The following TBCCD1 variants were observed in gnomAD, a reference collection of about 807,000 sequenced individuals.
TBCCD1 encodes the protein TBCC domain-containing protein 1.
A neutral mutation model predicts 53.4 loss-of-function variants in TBCCD1; 26 were observed. The ratio of observed to expected loss-of-function variants is 0.49; its 90% CI spans 0.36 to 0.68. The LOEUF is 0.68. Among genes scored for constraint, TBCCD1 ranks in the 30% least tolerant of loss-of-function variants. The pLI, the probability that TBCCD1 is intolerant of heterozygous loss-of-function variation, is 0.00. For synonymous variants in TBCCD1, 245 were observed against 241.7 expected (o/e 1.01, Z -0.13); for missense variants, 558 against 669.5 (o/e 0.83, Z 1.84).
At chr3:186,569,737 C>T (rs887041894), upstream of TBCCD1, among the ~76,000 whole-genome samples, 1 of 151,648 alleles carries the variant, frequency 6.6e-6, no homozygotes, top group Non-Finnish European at 1.5e-5. Flanking sequence ...GAGGCCCTGG[C>T]CAGGTGAGAG....
At chr3:186,569,124 G>A (rs1714928122), upstream of TBCCD1, among the ~76,000 whole-genome samples, 5 of 151,880 alleles carry the variant, frequency 3.3e-5, no homozygotes, top group Admixed American at 2.6e-4. Flanking sequence ...CGGCAGGAAT[G>A]AGCTCGGTGT....
intron 7 of TBCCD1, 103 bp downstream of exon 7, chr3:186,551,026 T>C (rs1279610922): frequency 3.2e-6 from 4 of 1,234,138 alleles, no homozygotes; most frequent in East Asian, 2.4e-5. Flanking sequence ...GTAGGAGCGG[T>C]AGAAAAAATT....
chr3:186,561,582 G>T lies in TBCCD1; in HGVS notation c.336+2412C>A, dbSNP rs908942822. On this transcript the variant is annotated intron_variant, in intron 2 of 7. Coordinates refer to ENST00000338733, the MANE Select transcript of TBCCD1 (RefSeq NM_018138.5). ...AGGCAGGCGGATCATGAGGTCAGGAGATTGAGACCATCCTGGCTAACATGG... is the reference window on the plus strand; with the variant it reads ...AGGCAGGCGGATCATGAGGTCAGGATATTGAGACCATCCTGGCTAACATGG... 3.3e-5 allele frequency among the ~76,000 whole-genome samples: 5 copies of T among 152,214 alleles called. No individual in the cohort carries two copies. The East Asian group carries it at 9.6e-4, about 29-fold the overall frequency.
rs777762261 is a variant in TBCCD1, at chr3:186,554,724, A to G, written c.1074T>C (p.Asn358=). Reference sequence around the variant, plus strand: ...CTACAGGGCCCAAGACAAAGATGCTATTCCTGCACTTCTCAATTGTCACAG... The same window carrying G: ...CTACAGGGCCCAAGACAAAGATGCTGTTCCTGCACTTCTCAATTGTCACAG... ...LRSVTIEKCR[N]SIFVLGPVGT... The change falls in exon 6 of 8, where the codon AAT becomes AAC. Residue 358 remains asparagine, a synonymous_variant. Coordinates refer to ENST00000338733, the MANE Select transcript of TBCCD1 (RefSeq NM_018138.5). The G allele has an allele frequency of 1.2e-6, 2 of 1,613,856 alleles. No individual in the cohort carries two copies. The highest frequency in any genetic ancestry group is 4.5e-5 in the East Asian group (2 of 44,900).
intron 4 of TBCCD1, 83 bp from the exon 5 acceptor site, chr3:186,555,167 G>T: frequency 1.5e-6 from 2 of 1,313,950 alleles, no homozygotes; most frequent in Non-Finnish European, 2.0e-6. Flanking sequence ...ACGTCTACAT[G>T]TATATATGTC....
At chr3:186,549,837 A>G (rs1278523227) in intron 7 of TBCCD1, among the ~76,000 whole-genome samples, 1 of 152,182 alleles carries the variant, frequency 6.6e-6, no homozygotes, top group Admixed American at 6.5e-5. Flanking sequence ...AGTATTTTAC[A>G]TTTCTTTAAT....
At position 186,556,635 on chromosome 3, in the gene TBCCD1, C is replaced by G; in HGVS notation, c.633G>C (p.Ala211=). Residue 211 remains alanine (A), a synonymous_variant, in exon 4 of 8, where the codon GCG becomes GCC. Transcript: ENST00000338733. Reference sequence around the variant, plus strand: ...TTGTACCTTCAATAAGGAAGCTGAGCGCCACAACAGCTTCTCGAGACACTA... The same window carrying G: ...TTGTACCTTCAATAAGGAAGCTGAGGGCCACAACAGCTTCTCGAGACACTA... ...SSLVSREAVV[A]LSFLIEGTIS... 6.2e-7 allele frequency: 1 copy of G among 1,614,046 alleles called. No homozygotes were observed. Among genetic ancestry groups the G allele is most frequent in the South Asian group, 1.1e-5 (1 of 91,080 alleles).
At chr3:186,555,123 A>T (rs1389006378) in intron 4 of TBCCD1, 39 bp from the exon 5 acceptor site, 2 of 1,546,042 alleles carry the variant, frequency 1.3e-6, no homozygotes, top group African/African-American at 1.4e-5. Flanking sequence ...GGCAGTATCA[A>T]ATCAAAGAAA....
At position 186,556,514 on chromosome 3, in the gene TBCCD1, A is replaced by G; in HGVS notation, c.754T>C (p.Ser252Pro). Residue 252 changes from serine (S) to proline (P), a missense_variant, in exon 4 of 8, where the codon TCT (serine) becomes CCT (proline). By Grantham distance (74) the Ser-to-Pro change is moderately conservative (BLOSUM62 -1). Coordinates refer to ENST00000338733, the MANE Select transcript of TBCCD1 (RefSeq NM_018138.5). ...AACCAGGTTTCCAGTTTGTAGAAAG[A>G]GAAAGTCTTAGAGATCTTTGAGAAG... is the stretch of plus-strand genomic sequence containing the variant. ...SGFSKISKTF[S>P]FYKLETWLRS... 6.2e-7 allele frequency: 1 copy of G among 1,610,778 alleles called. No individual in the cohort carries two copies. Among genetic ancestry groups the G allele is most frequent in the Non-Finnish European group, 8.5e-7 (1 of 1,179,310 alleles).
Position 186,564,374 on chromosome 3 carries a change from T to C in TBCCD1, c.-43-2A>G. 1 of 1,517,648 alleles carries C rather than the reference T, an allele frequency of 6.6e-7. No homozygotes were observed. Among genetic ancestry groups the C allele is most frequent in the Non-Finnish European group, 8.9e-7 (1 of 1,128,716 alleles). The allele number at this position is 1,517,648 out of a possible 1,614,324, so 94.0% of individuals were successfully genotyped here. ...GGGTGAAAAGGCTTCTTTGCATACC[T>C]AGGAAACAAAGTTTCTTCATAAACT... On this transcript the variant is annotated splice_acceptor_variant, in intron 1 of 7. Transcript: ENST00000338733. LOFTEE classifies it low-confidence loss of function (5UTR_SPLICE).
intron 5 of TBCCD1, 48 bp downstream of exon 5, chr3:186,554,850 T>C (rs1714486511): frequency 6.2e-7 from 1 of 1,605,420 alleles, no homozygotes; most frequent in African/African-American, 1.3e-5. Context: ...TCAGTCACAG[T>C]CCAAAGAAAA....
At chr3:186,555,795 G>A (rs888276958) in intron 4 of TBCCD1, among the ~76,000 whole-genome samples, 2 of 151,926 alleles carry the variant, frequency 1.3e-5, no homozygotes, top group Non-Finnish European at 1.5e-5. Flanking sequence ...CTCACCTTCC[G>A]CCAACCTCAG....
Position 186,558,474 on chromosome 3 carries a change from A to G in TBCCD1, c.435T>C (p.Ser145=). The change falls in exon 3 of 8, where the codon AGT becomes AGC. Residue 145 remains serine (S), a synonymous_variant. Coordinates refer to ENST00000338733, the MANE Select transcript of TBCCD1 (RefSeq NM_018138.5). ...RTSLIGEEWP[S]PRNKSQSPDL... ...CAGGAGACTGAGATTTGTTTCTGGG[A>G]CTGGGCCACTCTTCGCCAATCAAAG... is the stretch of plus-strand genomic sequence containing the variant. 1 of 1,614,222 alleles carries G rather than the reference A, an allele frequency of 6.2e-7. No homozygotes were observed. The highest frequency in any genetic ancestry group is 8.5e-7 in the Non-Finnish European group (1 of 1,180,038).
intron 2 of TBCCD1, among the ~76,000 whole-genome samples, chr3:186,560,163 T>A (rs911559640): frequency 7.2e-6 from 1 of 139,746 alleles, no homozygotes; most frequent in Non-Finnish European, 1.6e-5. Flanking sequence ...CTTTTCCATT[T>A]TTATACTCCT....
At chr3:186,563,645 A>C (rs1043879293) in intron 2 of TBCCD1, among the ~76,000 whole-genome samples, 3 of 152,264 alleles carry the variant, frequency 2.0e-5, no homozygotes, top group African/African-American at 7.2e-5. Context: ...CTGGTAAGTA[A>C]GGACTAATTC....
At chr3:186,564,397 A>G in intron 1 of TBCCD1, 25 bp from the exon 2 acceptor site, 1 of 1,450,438 alleles carries the variant, frequency 6.9e-7, no homozygotes, top group South Asian at 1.4e-5. Context: ...TTCTTCATAA[A>G]CTGATTTGAA....
chr3:186,566,187 G>T (rs1456176983), intron 1 of TBCCD1, among the ~76,000 whole-genome samples: 1 of 151,958 alleles, frequency 6.6e-6, no homozygotes, highest in Non-Finnish European at 1.5e-5. Context: ...ACAGGCTCCC[G>T]CCACCACGCC....
chr3:186,570,416 C>T, upstream of TBCCD1: 2 of 476,656 alleles, frequency 4.2e-6, no homozygotes, highest in South Asian at 4.1e-5. Flanking sequence ...AGGAAGTGGG[C>T]AAGCCGGAGG....
chr3:186,552,859 C>T (rs757453088), intron 6 of TBCCD1, among the ~76,000 whole-genome samples: 18 of 152,086 alleles, frequency 1.2e-4, no homozygotes, highest in Non-Finnish European at 2.1e-4. Context: ...GGTCTTTGGT[C>T]AGAGGGCAGT....
Sources: allele counts gnomAD v4.1 joint callset (sites outside exome capture counted in the v4.1 genomes callset), GRCh38; gene constraint gnomAD v4.1.1; transcripts MANE v1.5; gene names NCBI Gene and HGNC (gene_info 2026-07-23, HGNC 2026-07-21).